RRAS2: variants seen among roughly 807,000 people sequenced by gnomAD.
RRAS2 encodes the protein RAS related 2.
In RRAS2, 7 loss-of-function variants were observed where a neutral mutation model predicts 27.6. That is an observed-to-expected ratio of 0.25 (90% CI 0.14 to 0.48). The LOEUF (loss-of-function observed/expected upper bound fraction) is 0.48. Ranked by LOEUF, RRAS2 falls within the 20% of genes least tolerant of loss-of-function variation. RRAS2 has a pLI of 0.99. For synonymous variants in RRAS2, 86 were observed against 90.9 expected, an observed-to-expected ratio of 0.95 and a Z score of 0.31; for missense variants, 178 against 256.2, an observed-to-expected ratio of 0.69 and a Z score of 2.08.
rs781787616 is a variant in RRAS2 at position 14,317,301 on chromosome 11, C to T, written c.109-21446G>A. ...TATCTGTATTAATAAAATCTTAGGC[C>T]GGGCATGGTGGCTCACACCTGTAAT... On this transcript the variant is annotated intron_variant, in intron 1 of 5. Coordinates refer to ENST00000256196, the MANE Select transcript of RRAS2 (RefSeq NM_012250.6). Among the ~76,000 whole-genome samples, 8 of 152,274 alleles carry T rather than the reference C, an allele frequency of 5.3e-5. No homozygotes were observed. The South Asian group carries it at 1.2e-3, about 24-fold the overall frequency.
upstream of RRAS2, among the ~76,000 whole-genome samples, chr11:14,363,210 C>A (rs1244744340): frequency 6.6e-6 from 1 of 152,240 alleles, no homozygotes; most frequent in Non-Finnish European, 1.5e-5. Flanking sequence ...GTCACCAGCA[C>A]TCTTCTATCA....
chr11:14,343,235 G>A (rs1335517027), intron 1 of RRAS2, among the ~76,000 whole-genome samples: 1 of 152,108 alleles, frequency 6.6e-6, no homozygotes, highest in Non-Finnish European at 1.5e-5. Context: ...ATGATTTGAG[G>A]AAGGAGACAA....
intron 1 of RRAS2, chr11:14,364,303 C>T: frequency 1.5e-6 from 2 of 1,294,630 alleles, no homozygotes; most frequent in Non-Finnish European, 2.2e-6. Flanking sequence ...CAAGATTCCT[C>T]TAACCTCATC....
At chr11:14,307,008 T>C (rs1020825764) in intron 1 of RRAS2, among the ~76,000 whole-genome samples, 3 of 151,278 alleles carry the variant, frequency 2.0e-5, no homozygotes, top group Non-Finnish European at 4.4e-5. Context: ...CTGGGAAACA[T>C]GGTGAAACCC....
At chr11:14,357,210 T>C (rs1554955573) in intron 1 of RRAS2, among the ~76,000 whole-genome samples, 1 of 152,162 alleles carries the variant, frequency 6.6e-6, no homozygotes, top group Admixed American at 6.5e-5. Flanking sequence ...ACGTAAATAT[T>C]TGTGGTTCAA....
At chr11:14,355,686 T>G (rs1849056795) in intron 1 of RRAS2, among the ~76,000 whole-genome samples, 1 of 152,226 alleles carries the variant, frequency 6.6e-6, no homozygotes, top group Non-Finnish European at 1.5e-5. Context: ...TATATTTTTT[T>G]CTGCTCAAAA....
At chr11:14,306,741 T>C (rs1847838653) in intron 1 of RRAS2, among the ~76,000 whole-genome samples, 1 of 152,038 alleles carries the variant, frequency 6.6e-6, no homozygotes, top group African/African-American at 2.4e-5. Flanking sequence ...TAACACCCCA[T>C]TCCCTACCCT....
chr11:14,350,397 C>T (rs946275426), intron 1 of RRAS2, among the ~76,000 whole-genome samples: 9 of 152,050 alleles, frequency 5.9e-5, no homozygotes, highest in Admixed American at 6.6e-5. Flanking sequence ...AAGAGCCTGG[C>T]GCCTCCCCCA....
At chr11:14,339,210 G>A (rs1848647599) in intron 1 of RRAS2, among the ~76,000 whole-genome samples, 1 of 144,460 alleles carries the variant, frequency 6.9e-6, no homozygotes, top group African/African-American at 2.6e-5. Flanking sequence ...GGAAGCCGAG[G>A]TGGGAAAAAT....
chr11:14,326,385 T>C (rs945875375), intron 1 of RRAS2, among the ~76,000 whole-genome samples: 2 of 152,228 alleles, frequency 1.3e-5, no homozygotes, highest in Non-Finnish European at 2.9e-5. Context: ...ACATGATGCC[T>C]AAATTTTATT....
Position 14,331,446 on chromosome 11 carries a change from C to G in RRAS2, c.108+27317G>C, listed in dbSNP as rs182035648. 7.9e-5 allele frequency among the ~76,000 whole-genome samples: 12 copies of G among 152,058 alleles called. No homozygotes were observed. In the South Asian group the frequency reaches 1.0e-3, roughly 13 times the overall value. On this transcript the variant is annotated intron_variant, in intron 1 of 5. Coordinates refer to ENST00000256196, the MANE Select transcript of RRAS2 (RefSeq NM_012250.6). ...AAACACTAATAGGATACTTATATAACTTATCCAAAAAATTTTAAAACCATT... is the reference window on the plus strand; with the variant it reads ...AAACACTAATAGGATACTTATATAAGTTATCCAAAAAATTTTAAAACCATT...
upstream of RRAS2, among the ~76,000 whole-genome samples, chr11:14,364,178 T>G (rs1244929996): frequency 6.6e-6 from 1 of 152,228 alleles, no homozygotes; most frequent in Non-Finnish European, 1.5e-5. Flanking sequence ...AATGACCATC[T>G]CATCTGGACT....
At chr11:14,348,038 C>T (rs1269160333) in intron 1 of RRAS2, among the ~76,000 whole-genome samples, 1 of 152,076 alleles carries the variant, frequency 6.6e-6, no homozygotes, top group East Asian at 1.9e-4. Flanking sequence ...ATCAACCTTT[C>T]CCTCCCAAGA....
intron 1 of RRAS2, among the ~76,000 whole-genome samples, chr11:14,351,836 A>C (rs1848959492): frequency 6.6e-6 from 1 of 151,434 alleles, no homozygotes; most frequent in Non-Finnish European, 1.5e-5. Context: ...CGGAGGTTGC[A>C]ATGAGCCGAG....
chr11:14,320,117 C>A (rs1219050781), intron 1 of RRAS2, among the ~76,000 whole-genome samples: 1 of 152,098 alleles, frequency 6.6e-6, no homozygotes, highest in Non-Finnish European at 1.5e-5. Flanking sequence ...CCACCGCACC[C>A]CACAAAAAAA....
chr11:14,343,906 C>T (rs1848774015), intron 1 of RRAS2, among the ~76,000 whole-genome samples: 1 of 151,832 alleles, frequency 6.6e-6, no homozygotes, highest in African/African-American at 2.4e-5. Context: ...TTCGGGAGGC[C>T]AAGGTGGGCA....
intron 5 of RRAS2, among the ~76,000 whole-genome samples, chr11:14,280,063 T>A (rs1212001222): frequency 6.6e-6 from 1 of 152,164 alleles, no homozygotes; most frequent in African/African-American, 2.4e-5. Flanking sequence ...ACGGCAGTCA[T>A]AATTATTTTA....
chr11:14,363,837 G>A (rs918183023), upstream of RRAS2, among the ~76,000 whole-genome samples: 11 of 151,850 alleles, frequency 7.2e-5, no homozygotes, highest in East Asian at 5.8e-4. Flanking sequence ...TTGGGAGGCC[G>A]AGGCAGGTGG....
In RRAS2 at chr11:14,296,206, G is replaced by T. The variant is rs558493169; in HGVS notation, c.109-351C>A. The stretch of plus-strand genomic sequence containing the variant: ...AAAATAAAAATAAATAAAATAAATA[G>T]AATAAAAAATAAAATAAAATTTATG... On this transcript the variant is annotated intron_variant, in intron 1 of 5. Transcript: ENST00000256196. Among the ~76,000 whole-genome samples, 7 of 151,572 alleles carry T rather than the reference G, an allele frequency of 4.6e-5. No homozygotes were observed. The South Asian group carries it at 1.5e-3, about 32-fold the overall frequency.
Sources: allele counts gnomAD v4.1 joint callset (sites outside exome capture counted in the v4.1 genomes callset), GRCh38; gene constraint gnomAD v4.1.1; transcripts MANE v1.5; gene names NCBI Gene and HGNC (gene_info 2026-07-23, HGNC 2026-07-21).